HCN1: variants seen among roughly 807,000 people sequenced by gnomAD.
HCN1 encodes potassium/sodium hyperpolarization-activated cyclic nucleotide-gated channel 1.
Under a neutral mutation model 78.9 loss-of-function variants are expected in HCN1, and 13 were observed. The ratio of observed to expected loss-of-function variants is 0.16; its 90% CI spans 0.11 to 0.26. The LOEUF (loss-of-function observed/expected upper bound fraction) is 0.26. Ranked by LOEUF, HCN1 falls within the 10% of genes least tolerant of loss-of-function variation. The probability of loss-of-function intolerance (pLI) is 1.00; values close to 1 mark genes in which losing one functional copy is unlikely to be tolerated. For missense variants in HCN1, 810 were observed against 1,154.3 expected, an observed-to-expected ratio of 0.70 and a Z score of 4.32; for synonymous variants, 552 against 455.5, an observed-to-expected ratio of 1.21 and a Z score of -2.70.
At chr5:45,495,894 G>A (rs560812849) in intron 2 of HCN1, among the ~76,000 whole-genome samples, 2 of 152,216 alleles carry the variant, frequency 1.3e-5, no homozygotes, top group East Asian at 3.9e-4. Flanking sequence ...TTTATATGCT[G>A]GATTACATTT....
chr5:45,491,732 G>T (rs1579927142), intron 2 of HCN1, among the ~76,000 whole-genome samples: 1 of 152,192 alleles, frequency 6.6e-6, no homozygotes, highest in Middle Eastern at 3.4e-3. Flanking sequence ...AAAATTAATG[G>T]ATTATTGTGA....
intron 5 of HCN1, among the ~76,000 whole-genome samples, chr5:45,329,973 CA>C (rs1285998401): frequency 1.3e-5 from 2 of 151,176 alleles, no homozygotes; most frequent in Non-Finnish European, 3.0e-5. Flanking sequence ...ATCTTCTTTC[CA>C]ATTACATATA....
Position 45,671,493 on chromosome 5 carries a change from G to A in HCN1, c.425+24176C>T, listed in dbSNP as rs551546479. ...TAAGATCCTTAAGAGTAAGATTCAT[G>A]CCTTACTCTTGTTTGAATCTATTTC... is the stretch of plus-strand genomic sequence containing the variant. On this transcript the variant is annotated intron_variant, in intron 1 of 7. Coordinates refer to ENST00000303230, the MANE Select transcript of HCN1 (RefSeq NM_021072.4). 3.3e-5 allele frequency among the ~76,000 whole-genome samples: 5 copies of A among 151,414 alleles called. No homozygotes were observed. In the East Asian group the frequency reaches 9.7e-4, roughly 30 times the overall value.
intron 3 of HCN1, among the ~76,000 whole-genome samples, chr5:45,425,572 A>G (rs1740328644): frequency 6.6e-6 from 1 of 152,222 alleles, no homozygotes; most frequent in African/African-American, 2.4e-5. Context: ...AAAGATTTAG[A>G]GGAGAAAATA....
chr5:45,360,290 TA>T (rs1221134662), intron 4 of HCN1, among the ~76,000 whole-genome samples: 5 of 151,838 alleles, frequency 3.3e-5, no homozygotes, highest in African/African-American at 1.2e-4. Flanking sequence ...TAATAATAAA[TA>T]ATAAGAAAAT....
chr5:45,376,285 A>ATTTTATATAATATAT (rs369332773), intron 4 of HCN1, among the ~76,000 whole-genome samples: 1 of 128,646 alleles, frequency 7.8e-6, no homozygotes, highest in East Asian at 2.2e-4. Context: ...TAGAATATAT[A>ATTTTATATAATATAT]GATATATATT....
intron 2 of HCN1, among the ~76,000 whole-genome samples, chr5:45,626,580 G>C (rs1745167644): frequency 6.6e-6 from 1 of 152,138 alleles, no homozygotes; most frequent in Non-Finnish European, 1.5e-5. Flanking sequence ...AAGGTGTTCA[G>C]GAAATATCTA....
At chr5:45,283,841 C>T (rs531317751) in intron 6 of HCN1, among the ~76,000 whole-genome samples, 21 of 152,136 alleles carry the variant, frequency 1.4e-4, no homozygotes, top group South Asian at 1.2e-3. Flanking sequence ...CACATGCATG[C>T]GTATGTTGAT....
At chr5:45,529,475 T>C (rs1405295679) in intron 2 of HCN1, among the ~76,000 whole-genome samples, 1 of 151,980 alleles carries the variant, frequency 6.6e-6, no homozygotes, top group Non-Finnish European at 1.5e-5. Context: ...AAAAGCAGGC[T>C]CCTGCTCACC....
intron 2 of HCN1, among the ~76,000 whole-genome samples, chr5:45,481,232 A>G (rs1379284244): frequency 1.3e-5 from 2 of 152,230 alleles, no homozygotes; most frequent in Admixed American, 6.5e-5. Context: ...AGAATTTGGC[A>G]TCAATGGCTG....
At chr5:45,439,580 AAC>A (rs1740631802) in intron 3 of HCN1, among the ~76,000 whole-genome samples, 1 of 152,122 alleles carries the variant, frequency 6.6e-6, no homozygotes, top group Admixed American at 6.6e-5. Context: ...TTTTTATTTA[AAC>A]AGAGTTCTGT....
chr5:45,695,721 C>G lies in HCN1; in HGVS notation c.373G>C (p.Glu125Gln). The change falls in exon 1 of 8, where the codon GAA becomes CAA. Residue 125 changes from glutamate (E) to glutamine (Q), a missense_variant. Glu to Gln is a conservative substitution (Grantham distance 29). This residue lies in a region of HCN1 where 104 missense variants were observed against 402.8 expected (regional missense o/e 0.26). Coordinates refer to ENST00000303230, the MANE Select transcript of HCN1 (RefSeq NM_021072.4). ...CAGAAGCCTGCAGTTTTAACCCTTTCCTGCTCCTTTTCCACCGCCTTCTGG... is the reference window on the plus strand; with the variant it reads ...CAGAAGCCTGCAGTTTTAACCCTTTGCTGCTCCTTTTCCACCGCCTTCTGG... Reference protein sequence around the residue: ...GSQKAVEKEQERVKTAGFWII... With the variant: ...GSQKAVEKEQQRVKTAGFWII... 1 of 1,612,608 alleles carries G rather than the reference C, an allele frequency of 6.2e-7. No individual in the cohort carries two copies. Among genetic ancestry groups the G allele is most frequent in the Non-Finnish European group, 8.5e-7 (1 of 1,179,722 alleles).
In HCN1 at chr5:45,485,263, C is replaced by T. The variant is rs182626985; in HGVS notation, c.850-23256G>A. Among the ~76,000 whole-genome samples the T allele has an allele frequency of 1.6e-3, 248 of 152,304 alleles. 1 individual carries two copies. The highest frequency in any genetic ancestry group is 2.6e-3 in the Non-Finnish European group (175 of 68,016). On this transcript the variant is annotated intron_variant, in intron 2 of 7. Transcript: ENST00000303230. ...TGATGCCTTGTAAATATCTTCCACA[C>T]ATGCCTCATTTTAGTTCTTCCTACT...
At chr5:45,283,901 T>C (rs1327774564) in intron 6 of HCN1, among the ~76,000 whole-genome samples, 1 of 152,140 alleles carries the variant, frequency 6.6e-6, no homozygotes, top group African/African-American at 2.4e-5. Flanking sequence ...TAAATGCCTA[T>C]CAATGACAGA....
chr5:45,419,266 A>G (rs1378543590), intron 3 of HCN1, among the ~76,000 whole-genome samples: 1 of 152,192 alleles, frequency 6.6e-6, no homozygotes, highest in African/African-American at 2.4e-5. Flanking sequence ...CTGCTTACCC[A>G]GTACCAGCAA....
chr5:45,576,083 T>C (rs953055484), intron 2 of HCN1: 1 of 151,990 alleles, frequency 6.6e-6, no homozygotes, highest in East Asian at 1.9e-4. Flanking sequence ...CTAACCACCA[T>C]GGATGACCTT....
intron 5 of HCN1, among the ~76,000 whole-genome samples, chr5:45,317,999 C>G (rs942096330): frequency 6.6e-6 from 1 of 152,160 alleles, no homozygotes; most frequent in African/African-American, 2.4e-5. Context: ...TTGTGGAAGA[C>G]AGTGTGGTGA....
At chr5:45,640,436 T>G (rs184954659) in intron 2 of HCN1, among the ~76,000 whole-genome samples, 98 of 152,224 alleles carry the variant, frequency 6.4e-4, no homozygotes, top group Admixed American at 1.0e-3. Context: ...AAGCAAAATG[T>G]GTGTAATAAA....
At chr5:45,286,721 A>G (rs746113415) in intron 6 of HCN1, among the ~76,000 whole-genome samples, 3 of 152,058 alleles carry the variant, frequency 2.0e-5, no homozygotes, top group Non-Finnish European at 4.4e-5. Flanking sequence ...AGTGCATACC[A>G]TTAAAACATT....
Sources: gnomAD v4.1 joint callset for allele counts (sites outside exome capture counted in the v4.1 genomes callset) on GRCh38, gnomAD v4.1.1 for gene constraint, gnomAD v4.1.1 regional missense constraint, MANE v1.5 for transcripts, NCBI Gene and HGNC (gene_info 2026-07-23, HGNC 2026-07-21) for gene names.